PDZD2: variants seen among roughly 807,000 people sequenced by gnomAD.
PDZD2 encodes PDZ domain containing 2.
PDZD2 carries 90 observed loss-of-function variants against 220.7 expected under a neutral mutation model. The ratio of observed to expected loss-of-function variants is 0.41; its 90% CI spans 0.34 to 0.49. The LOEUF is 0.49. Among genes scored for constraint, PDZD2 ranks in the 20% least tolerant of loss-of-function variants. The pLI, the probability that PDZD2 is intolerant of heterozygous loss-of-function variation, is 0.28. For synonymous variants in PDZD2, 1,375 were observed against 1,450.5 expected, an observed-to-expected ratio of 0.95 and a Z score of 1.18; for missense variants, 3,174 against 3,608.5, an observed-to-expected ratio of 0.88 and a Z score of 3.08.
chr5:32,089,423 T>C lies in PDZD2; in HGVS notation c.5975T>C (p.Val1992Ala), dbSNP rs1458673759. The change falls in exon 20 of 25, where the codon GTT becomes GCT. Residue 1992 changes from valine to alanine, a missense_variant. Around this residue, in one of 4 missense-constraint regions of PDZD2, gnomAD observed 1,861 missense variants for 2,001.0 expected, o/e 0.93. Coordinates refer to ENST00000438447, the MANE Select transcript of PDZD2 (RefSeq NM_178140.4). ...TCGCCCCTGACCTCTCCCAAGCCTG[T>C]TCCTGAGCAAGGCATGTGGAGCAGG... ...FVSPLTSPKPVPEQGMWSRFH... is the reference protein window; with the variant it reads ...FVSPLTSPKPAPEQGMWSRFH... 1.2e-6 allele frequency: 2 copies of C among 1,613,920 alleles called. No individual in the cohort carries two copies. Among genetic ancestry groups the C allele is most frequent in the Non-Finnish European group, 1.7e-6 (2 of 1,180,018 alleles).
chr5:31,686,753 T>C (rs1746889016), intron 1 of PDZD2, among the ~76,000 whole-genome samples: 1 of 152,270 alleles, frequency 6.6e-6, no homozygotes, highest in Non-Finnish European at 1.5e-5. Context: ...TTAGTTTCTA[T>C]TGAAAATAGG....
intron 2 of PDZD2, among the ~76,000 whole-genome samples, chr5:31,897,393 A>C (rs2150354472): frequency 6.6e-6 from 1 of 152,224 alleles, no homozygotes; most frequent in South Asian, 2.1e-4. Flanking sequence ...AGCCAGTATG[A>C]TCCCTTTGTC....
chr5:31,899,119 G>A (rs969146801), intron 2 of PDZD2, among the ~76,000 whole-genome samples: 1 of 150,750 alleles, frequency 6.6e-6, no homozygotes, highest in African/African-American at 2.4e-5. Context: ...GAACCACCGC[G>A]CCTGGCCTCT....
chr5:31,861,803 A>C (rs1202327688), intron 2 of PDZD2, among the ~76,000 whole-genome samples: 2 of 152,190 alleles, frequency 1.3e-5, no homozygotes, highest in Non-Finnish European at 2.9e-5. Context: ...TTTGAAGATG[A>C]AACAAGCTCC....
At chr5:31,785,506 A>G (rs1753330143) in intron 1 of PDZD2, among the ~76,000 whole-genome samples, 1 of 151,610 alleles carries the variant, frequency 6.6e-6, no homozygotes, top group African/African-American at 2.4e-5. Context: ...TGGTATGAGC[A>G]TATCTCTCAC....
chr5:32,002,590 C>CCA (rs139562674), intron 5 of PDZD2, among the ~76,000 whole-genome samples: 6,433 of 143,316 alleles, frequency 0.045, 287 homozygotes, highest in Non-Finnish European at 0.069. Context: ...CTCACACATA[C>CCA]CACACACACA....
chr5:32,090,500 C>T lies in PDZD2; in HGVS notation c.7052C>T (p.Pro2351Leu). 1 of 1,614,100 alleles carries T rather than the reference C, an allele frequency of 6.2e-7. No homozygotes were observed. The highest frequency in any genetic ancestry group is 8.5e-7 in the Non-Finnish European group (1 of 1,180,036). ...SFENLANADR[P>L]VAKSGASPFL... ...GAGAACCTGGCCAATGCTGACCGGC[C>T]TGTAGCCAAGTCCGGGGCTTCCCCA... The change falls in exon 20 of 25, where the codon CCT (proline) becomes CTT (leucine). Residue 2351 changes from proline to leucine, a missense_variant. Physicochemically the swap from Pro to Leu is moderately conservative, Grantham distance 98 (BLOSUM62 -3). This residue lies in a region of PDZD2 where 631 missense variants were observed against 789.9 expected (regional missense o/e 0.80). Coordinates refer to ENST00000438447, the MANE Select transcript of PDZD2 (RefSeq NM_178140.4). This position sits in a 1 kb window ranked among gnomAD's most constrained non-coding sequence, Gnocchi z 4.3.
At chr5:31,938,101 A>G (rs189739247) in intron 2 of PDZD2, among the ~76,000 whole-genome samples, 77 of 152,286 alleles carry the variant, frequency 5.1e-4, no homozygotes, top group African/African-American at 1.8e-3. Context: ...ATTTAGAGAC[A>G]GAGTTTCACT....
intron 2 of PDZD2, among the ~76,000 whole-genome samples, chr5:31,804,069 TAAG>T (rs1754570365): frequency 6.7e-6 from 1 of 148,370 alleles, no homozygotes; most frequent in South Asian, 2.1e-4. Context: ...ATACAGAAAA[TAAG>T]AACATATAAT....
intron 1 of PDZD2, among the ~76,000 whole-genome samples, chr5:31,734,057 C>T (rs1749696769): frequency 6.6e-6 from 1 of 152,154 alleles, no homozygotes; most frequent in South Asian, 2.1e-4. Context: ...TCAGAATTTC[C>T]AAAACCCCCT....
chr5:31,672,024 T>C (rs1746235200), intron 1 of PDZD2, among the ~76,000 whole-genome samples: 1 of 152,134 alleles, frequency 6.6e-6, no homozygotes, highest in Non-Finnish European at 1.5e-5. Flanking sequence ...GAGCTGCCCA[T>C]GGACAGTAGG....
intron 1 of PDZD2, among the ~76,000 whole-genome samples, chr5:31,642,390 C>T (rs1254056264): frequency 1.3e-5 from 2 of 152,084 alleles, no homozygotes; most frequent in African/African-American, 4.8e-5. Flanking sequence ...AGGGATGTCT[C>T]AGAGACGCCC....
chr5:31,813,597 G>T (rs998862259), intron 2 of PDZD2, among the ~76,000 whole-genome samples: 2 of 152,030 alleles, frequency 1.3e-5, no homozygotes, highest in African/African-American at 2.4e-5. Flanking sequence ...TGTTTTGAGG[G>T]TTTTTAAAAA....
chr5:31,644,854 T>A (rs1408430262), intron 1 of PDZD2, among the ~76,000 whole-genome samples: 2 of 152,192 alleles, frequency 1.3e-5, no homozygotes, highest in East Asian at 3.8e-4. Flanking sequence ...ACAAAGTTAT[T>A]CTTGGATTAT....
chr5:31,931,389 A>T (rs990207907), intron 2 of PDZD2, among the ~76,000 whole-genome samples: 2 of 152,130 alleles, frequency 1.3e-5, no homozygotes, highest in East Asian at 1.9e-4. Context: ...AACTCCTGAC[A>T]TCAAGTGATC....
At chr5:32,012,478 G>C (rs921433781) in intron 6 of PDZD2, among the ~76,000 whole-genome samples, 2 of 152,028 alleles carry the variant, frequency 1.3e-5, no homozygotes, top group Non-Finnish European at 2.9e-5. Context: ...CTGTCTCCCG[G>C]GTTCTAGCAA....
At chr5:31,729,242 G>T (rs932386989) in intron 1 of PDZD2, among the ~76,000 whole-genome samples, 1 of 151,506 alleles carries the variant, frequency 6.6e-6, no homozygotes, top group African/African-American at 2.4e-5. Flanking sequence ...GATTACAGGT[G>T]CCCGCCACTA....
At chr5:31,996,878 C>G (rs1178681546) in intron 4 of PDZD2, among the ~76,000 whole-genome samples, 5 of 152,120 alleles carry the variant, frequency 3.3e-5, no homozygotes. Flanking sequence ...GCAAGAGACT[C>G]TGTCTCAAAA....
At chr5:31,809,611 C>A (rs1478125364) in intron 2 of PDZD2, among the ~76,000 whole-genome samples, 1 of 152,284 alleles carries the variant, frequency 6.6e-6, no homozygotes, top group Middle Eastern at 3.4e-3. Context: ...GAATCAGAAG[C>A]CTTTTAAGGA....
Sources: allele counts gnomAD v4.1 joint callset (sites outside exome capture counted in the v4.1 genomes callset), GRCh38; gene constraint gnomAD v4.1.1; regional missense constraint gnomAD v4.1.1; non-coding constraint Gnocchi (gnomAD v3.1); transcripts MANE v1.5; gene names NCBI Gene and HGNC (gene_info 2026-07-23, HGNC 2026-07-21).